The following ARHGEF37 variants were observed in gnomAD, a reference collection of about 807,000 sequenced individuals.
ARHGEF37 encodes Rho guanine nucleotide exchange factor (GEF) 37.
A neutral mutation model predicts 71.1 loss-of-function variants in ARHGEF37; 55 were observed. The observed-to-expected ratio is 0.77, with a 90% CI of 0.62 to 0.97. The LOEUF (loss-of-function observed/expected upper bound fraction) is 0.97. ARHGEF37 is among the 50% of genes least tolerant of loss of function. The pLI is 0.00. For missense variants in ARHGEF37, 765 were observed against 836.8 expected (o/e 0.91, Z 1.06); for synonymous variants, 327 against 350.6 (o/e 0.93, Z 0.75).
chr5:149,589,561 G>A (rs1358255999), intron 1 of ARHGEF37, among the ~76,000 whole-genome samples: 4 of 152,016 alleles, frequency 2.6e-5, no homozygotes, highest in South Asian at 2.1e-4. Flanking sequence ...ATGCAGTGGC[G>A]AGATCTCAGC....
chr5:149,570,525 G>A (rs1350535507), intron 1 of ARHGEF37, among the ~76,000 whole-genome samples: 3 of 140,440 alleles, frequency 2.1e-5, no homozygotes, highest in South Asian at 2.3e-4. Context: ...GCAGTGAGCC[G>A]AGATCCTGCC....
intron 2 of ARHGEF37, among the ~76,000 whole-genome samples, chr5:149,598,268 CTTCTTCTTCTTCT>C (rs1763613002): frequency 4.2e-5 from 5 of 119,420 alleles, no homozygotes; most frequent in African/African-American, 7.9e-5. Context: ...ACTGACTCTT[CTTCTTCTTCTTCT>C]TCTTCTTCTT....
chr5:149,571,054 T>C (rs1243335886), intron 1 of ARHGEF37, among the ~76,000 whole-genome samples: 2 of 151,852 alleles, frequency 1.3e-5, no homozygotes, highest in Non-Finnish European at 2.9e-5. Context: ...GTGATTCTCC[T>C]GCCTCAGCCT....
chr5:149,569,414 G>A (rs1762936037), intron 1 of ARHGEF37, among the ~76,000 whole-genome samples: 1 of 152,130 alleles, frequency 6.6e-6, no homozygotes, highest in Admixed American at 6.6e-5. Context: ...CTGCCTCCCA[G>A]GTTCAAGCGA....
At chr5:149,557,900 CTG>C (rs1447602463) in intron 1 of ARHGEF37, among the ~76,000 whole-genome samples, 9 of 145,942 alleles carry the variant, frequency 6.2e-5, no homozygotes, top group Non-Finnish European at 1.2e-4. Context: ...GAGTCTCACT[CTG>C]TCGCCCAGGC....
intron 6 of ARHGEF37, 39 bp downstream of exon 6, chr5:149,618,345 C>G: frequency 6.2e-7 from 1 of 1,612,942 alleles, no homozygotes; most frequent in South Asian, 1.1e-5. Context: ...CATCCAGCCA[C>G]CCCCAAGGCC....
chr5:149,610,171 G>T (rs1764036801), intron 4 of ARHGEF37, among the ~76,000 whole-genome samples: 1 of 152,222 alleles, frequency 6.6e-6, no homozygotes, highest in South Asian at 2.1e-4. Flanking sequence ...TCCAGGGTTG[G>T]AGAAGCGGAA....
At chr5:149,590,753 C>T (rs1763382189) in intron 1 of ARHGEF37, among the ~76,000 whole-genome samples, 1 of 152,084 alleles carries the variant, frequency 6.6e-6, no homozygotes, top group African/African-American at 2.4e-5. Context: ...TGCACCACCA[C>T]ACCCGGCTAA....
chr5:149,604,676 ATTTTTTTTTTTTTTTT>A (rs528100482), intron 3 of ARHGEF37, among the ~76,000 whole-genome samples: 2 of 91,694 alleles, frequency 2.2e-5, no homozygotes, highest in Non-Finnish European at 4.1e-5. Context: ...CAGCAACACC[ATTTTTTTTTTTTTTTT>A]TTTTTTTTGA....
intron 3 of ARHGEF37, among the ~76,000 whole-genome samples, chr5:149,604,239 C>T (rs557174029): frequency 4.2e-4 from 64 of 152,252 alleles, no homozygotes; most frequent in African/African-American, 1.5e-3. Context: ...CATGGACTGC[C>T]CTCACTGCTT....
At chr5:149,559,398 T>C (rs1580878752) in intron 1 of ARHGEF37, among the ~76,000 whole-genome samples, 1 of 152,238 alleles carries the variant, frequency 6.6e-6, no homozygotes, top group East Asian at 1.9e-4. Context: ...TAGTGATTTG[T>C]CGGAGACCTG....
chr5:149,554,860 C>A (rs1481297943), intron 1 of ARHGEF37, among the ~76,000 whole-genome samples: 1 of 152,036 alleles, frequency 6.6e-6, no homozygotes, highest in South Asian at 2.1e-4. Flanking sequence ...AGGCCAGGCA[C>A]GGTGGCTCAC....
At position 149,620,373 on chromosome 5, in the gene ARHGEF37, C is replaced by A; in HGVS notation, c.914C>A (p.Pro305Gln). 1.2e-6 allele frequency: 2 copies of A among 1,611,126 alleles called. No individual in the cohort carries two copies. The highest frequency in any genetic ancestry group is 1.7e-6 in the Non-Finnish European group (2 of 1,178,830). Residue 305 changes from proline (P) to glutamine (Q), a missense_variant, in exon 8 of 13, where the codon CCG (proline) becomes CAG (glutamine). Transcript: ENST00000333677. Reference sequence around the variant, plus strand: ...GTCCAGGCTTTCCTCTACTTCAGGCCGCACGAATACAATCTGGACATCCCC... The same window carrying A: ...GTCCAGGCTTTCCTCTACTTCAGGCAGCACGAATACAATCTGGACATCCCC... ...DNLQAFLYFR[P>Q]HEYNLDIPEG...
chr5:149,604,688 T>A (rs1024930151), intron 3 of ARHGEF37, among the ~76,000 whole-genome samples: 4 of 97,784 alleles, frequency 4.1e-5, no homozygotes, highest in Non-Finnish European at 8.4e-5. Context: ...TTTTTTTTTT[T>A]TTTTTTTTTT....
At chr5:149,627,646 C>T (rs9885362) in intron 11 of ARHGEF37, among the ~76,000 whole-genome samples, 24,131 of 152,206 alleles carry the variant, frequency 0.16, 1,992 homozygotes, top group Middle Eastern at 0.31. Context: ...GATAGAATGC[C>T]TGGACCCTGG....
At chr5:149,579,757 T>G (rs981457102), upstream of ARHGEF37, among the ~76,000 whole-genome samples, 1 of 151,824 alleles carries the variant, frequency 6.6e-6, no homozygotes, top group African/African-American at 2.4e-5. Flanking sequence ...AATTTTTGTA[T>G]TTTTAGTAGA....
chr5:149,592,577 A>G (rs78479898), intron 1 of ARHGEF37, among the ~76,000 whole-genome samples: 35,090 of 152,118 alleles, frequency 0.23, 5,060 homozygotes, highest in African/African-American at 0.4. Flanking sequence ...GTTTTTGAAT[A>G]TTACAAATAA....
At position 149,633,692 on chromosome 5, in the gene ARHGEF37, G is replaced by A. The variant is rs1013518600; in HGVS notation, c.*1501G>A. On this transcript the variant is annotated 3_prime_UTR_variant, in exon 13 of 13. Transcript: ENST00000333677. ...AAGTTAGAATGTGTGTCAAACAGGAGGTAGTTTAGATATGCTTCCAAGAAC... is the reference window on the plus strand; with the variant it reads ...AAGTTAGAATGTGTGTCAAACAGGAAGTAGTTTAGATATGCTTCCAAGAAC... 3.3e-5 allele frequency: 5 copies of A among 152,238 alleles called. No homozygotes were observed. Among genetic ancestry groups the A allele is most frequent in the Admixed American group, 6.5e-5 (1 of 15,288 alleles). The allele number at this position is 152,238 out of a possible 1,614,324, so 9.4% of individuals were successfully genotyped here. A position where few individuals can be genotyped will look rare whatever the true frequency, so the allele number is the denominator to read the frequency against.
At chr5:149,611,911 A>G (rs1390041273) in intron 4 of ARHGEF37, among the ~76,000 whole-genome samples, 2 of 152,240 alleles carry the variant, frequency 1.3e-5, no homozygotes, top group Non-Finnish European at 2.9e-5. Context: ...AAAAATCAGT[A>G]TAATGGCTTC....
Sources: gnomAD v4.1 joint callset for allele counts (sites outside exome capture counted in the v4.1 genomes callset) on GRCh38, gnomAD v4.1.1 for gene constraint, MANE v1.5 for transcripts, NCBI Gene and HGNC (gene_info 2026-07-23, HGNC 2026-07-21) for gene names.